Variants in LARS1 observed in about 807,000 individuals in gnomAD.
LARS1 encodes the protein leucyl-tRNA synthetase 1, also known as leucine--tRNA ligase, cytoplasmic.
LARS1 carries 100 observed loss-of-function variants against 162.8 expected under a neutral mutation model. That is an observed-to-expected ratio of 0.61 (90% CI 0.52 to 0.73). LARS1 has a LOEUF of 0.73. Among genes scored for constraint, LARS1 ranks in the 30% least tolerant of loss-of-function variants. The pLI is 0.00. For synonymous variants in LARS1, 457 were observed against 462.8 expected (o/e 0.99, Z 0.16); for missense variants, 1,258 against 1,408.9 (o/e 0.89, Z 1.71).
intron 8 of LARS1, among the ~76,000 whole-genome samples, chr5:146,158,264 A>G (rs1480716239): frequency 6.6e-6 from 1 of 152,212 alleles, no homozygotes; most frequent in African/African-American, 2.4e-5. Context: ...TAACAGATGA[A>G]AAATGCTTTG....
At position 146,172,791 on chromosome 5, in the gene LARS1, T is replaced by C. The variant is rs748372946; in HGVS notation, c.126-17A>G. On this transcript the variant is annotated splice_polypyrimidine_tract_variant and intron_variant, in intron 2 of 31. Transcript: ENST00000394434. ...TTGCCCTTGCTGCAAAACAACAGTA[T>C]AAAAAAGAAAGTACAGAAGAATAAA... The C allele has an allele frequency of 7.0e-7, 1 of 1,425,926 alleles. No homozygotes were observed. Among genetic ancestry groups the C allele is most frequent in the Non-Finnish European group, 9.5e-7 (1 of 1,047,730 alleles). 88.3% of individuals were successfully genotyped at this position (1,425,926 alleles called of 1,614,324 possible). A position where few individuals can be genotyped will look rare whatever the true frequency, so the allele number is the denominator to read the frequency against.
chr5:146,126,681 A>G, intron 27 of LARS1, 136 bp from the exon 28 acceptor site: 1 of 593,912 alleles, frequency 1.7e-6, no homozygotes, highest in East Asian at 2.8e-5. Context: ...CAGCCCTAGC[A>G]TCACGGGGAA....
chr5:146,144,301 T>C lies in LARS1; in HGVS notation c.1704A>G (p.Leu568=), dbSNP rs1418661173. ...AAGTTCTTGAGCAAGCATGTTCTTG[T>C]AGCCAACCTAAGGTGGCTTCAAAAT... ...RRNFEATLGW[L]QEHACSRTYG... is the part of the protein sequence containing the mutation. Residue 568 remains leucine, a synonymous_variant, in exon 18 of 32, where the codon CTA becomes CTG. Coordinates refer to ENST00000394434, the MANE Select transcript of LARS1 (RefSeq NM_020117.11). The C allele has an allele frequency of 2.0e-5, 32 of 1,613,236 alleles. No individual in the cohort carries two copies. Among genetic ancestry groups the C allele is most frequent in the East Asian group, 4.5e-5 (2 of 44,866 alleles).
chr5:146,160,389 ATT>A lies in LARS1; in HGVS notation c.690_691del (p.Lys230AsnfsTer2), dbSNP rs1753727471. 6.4e-7 allele frequency: 1 copy of A among 1,555,958 alleles called. No homozygotes were observed. The highest frequency in any genetic ancestry group is 2.0e-5 in the Admixed American group (1 of 50,962). On this transcript the variant is annotated frameshift_variant, in exon 7 of 32. Coordinates refer to ENST00000394434, the MANE Select transcript of LARS1 (RefSeq NM_020117.11). LOFTEE classifies it high-confidence loss of function. Reference sequence around the variant, plus strand: ...ACAAACTTACCGCTTCCCAAATTTAATTTTGTTTCTTTCTCTTAATGTTAAAA... The same window carrying A: ...ACAAACTTACCGCTTCCCAAATTTAATTGTTTCTTTCTCTTAATGTTAAAA...
intron 31 of LARS1, among the ~76,000 whole-genome samples, chr5:146,116,301 G>C (rs1764205918): frequency 6.6e-6 from 1 of 152,166 alleles, no homozygotes; most frequent in Non-Finnish European, 1.5e-5. Context: ...GACAAGTTCT[G>C]CCAGCAGATT....
chr5:146,170,320 A>T (rs1419214475), intron 4 of LARS1, among the ~76,000 whole-genome samples: 1 of 151,950 alleles, frequency 6.6e-6, no homozygotes, highest in Non-Finnish European at 1.5e-5. Context: ...TACAAAAAAC[A>T]TTAGCCAGGC....
intron 15 of LARS1, among the ~76,000 whole-genome samples, chr5:146,146,967 C>T (rs1405192535): frequency 6.6e-6 from 1 of 152,060 alleles, no homozygotes; most frequent in Non-Finnish European, 1.5e-5. Context: ...CGGTCTCAGC[C>T]TCCCAAAGTA....
At chr5:146,169,675 AGTAG>A (rs1355223745) in intron 4 of LARS1, among the ~76,000 whole-genome samples, 1 of 151,982 alleles carries the variant, frequency 6.6e-6, no homozygotes, top group African/African-American at 2.4e-5. Context: ...TAGCCTCCGA[AGTAG>A]CTGGAATTAC....
chr5:146,149,218 T>G (rs1471812894), intron 15 of LARS1, among the ~76,000 whole-genome samples: 1 of 152,206 alleles, frequency 6.6e-6, no homozygotes, highest in Non-Finnish European at 1.5e-5. Flanking sequence ...TCTCTCATAG[T>G]ATTATGGGTA....
intron 21 of LARS1, among the ~76,000 whole-genome samples, chr5:146,137,366 G>A (rs1351161361): frequency 6.6e-6 from 1 of 151,740 alleles, no homozygotes; most frequent in Non-Finnish European, 1.5e-5. Context: ...GTCAAGTAGG[G>A]GTGCCCTTCT....
intron 14 of LARS1, 141 bp downstream of exon 14, chr5:146,151,721 G>T: frequency 1.3e-6 from 1 of 781,322 alleles, no homozygotes; most frequent in South Asian, 2.0e-5. Flanking sequence ...TAGAAATTTG[G>T]AAATAGAATA....
At chr5:146,144,207 T>C (rs554562513) in intron 18 of LARS1, 60 bp downstream of exon 18, 2 of 1,260,038 alleles carry the variant, frequency 1.6e-6, no homozygotes, top group Non-Finnish European at 2.3e-6. Flanking sequence ...AAGGTAAAAA[T>C]GTATATTTTC....
rs1764068790 is a variant in LARS1 at position 146,113,549 on chromosome 5, A to T, written c.*557T>A. ...TCTTAGTTGAATAATTAAAGCTTTA[A>T]AAAGTCTTATAAAATGCAGGACCTA... On this transcript the variant is annotated 3_prime_UTR_variant, in exon 32 of 32. Coordinates refer to ENST00000394434, the MANE Select transcript of LARS1 (RefSeq NM_020117.11). The T allele has an allele frequency of 6.6e-6, 1 of 152,470 alleles. No homozygotes were observed. Among genetic ancestry groups the T allele is most frequent in the South Asian group, 2.1e-4 (1 of 4,838 alleles). 9.4% of individuals were successfully genotyped at this position (152,470 alleles called of 1,614,324 possible). A position where few individuals can be genotyped will look rare whatever the true frequency, so the allele number is the denominator to read the frequency against.
chr5:146,122,742 T>C (rs1489810886), intron 29 of LARS1, among the ~76,000 whole-genome samples, 155 bp from the exon 30 acceptor site: 3 of 152,100 alleles, frequency 2.0e-5, no homozygotes, highest in African/African-American at 7.2e-5. Context: ...TTAAATGAAA[T>C]CTGTAATCAG....
chr5:146,114,315 C>CAACA lies in LARS1; in HGVS notation c.3326-8_3326-5dup. The CAACA allele has an allele frequency of 1.9e-6, 3 of 1,611,214 alleles. No homozygotes were observed. Among genetic ancestry groups the CAACA allele is most frequent in the Non-Finnish European group, 2.5e-6 (3 of 1,177,766 alleles). On this transcript the variant is annotated splice_region_variant and splice_polypyrimidine_tract_variant and intron_variant, in intron 31 of 31. Transcript: ENST00000394434. Reference sequence around the variant, plus strand: ...ATCAGTTTCACTTTGGAAAGGTCTACAACAAAATAAATTATCAATATAAGC... The same window carrying CAACA: ...ATCAGTTTCACTTTGGAAAGGTCTACAACAAACAAAATAAATTATCAATATAAGC...
intron 6 of LARS1, among the ~76,000 whole-genome samples, chr5:146,161,427 A>C (rs544790322): frequency 2.6e-5 from 4 of 152,258 alleles, no homozygotes; most frequent in Admixed American, 2.6e-4. Context: ...CTCATAATAG[A>C]ACTTTCAAAA....
intron 5 of LARS1, among the ~76,000 whole-genome samples, chr5:146,167,005 A>G (rs1408499442): frequency 6.6e-6 from 1 of 152,226 alleles, no homozygotes; most frequent in Non-Finnish European, 1.5e-5. Context: ...CTTCCTCCAA[A>G]TCAATAACCT....
chr5:146,169,641 C>T (rs375510669), intron 4 of LARS1, among the ~76,000 whole-genome samples: 7 of 151,832 alleles, frequency 4.6e-5, no homozygotes, highest in Admixed American at 3.3e-4. Context: ...CTCTACTTCC[C>T]GGGTTCAAGC....
At chr5:146,175,579 C>T (rs1754523334) in intron 2 of LARS1, among the ~76,000 whole-genome samples, 1 of 149,950 alleles carries the variant, frequency 6.7e-6, no homozygotes, top group Admixed American at 6.7e-5. Flanking sequence ...GTGGCTCACG[C>T]CTGTAATCCC....
Sources: allele counts gnomAD v4.1 joint callset (sites outside exome capture counted in the v4.1 genomes callset), GRCh38; gene constraint gnomAD v4.1.1; transcripts MANE v1.5; gene names NCBI Gene and HGNC (gene_info 2026-07-23, HGNC 2026-07-21).